Variants in UBR1 observed in about 807,000 individuals in gnomAD.
UBR1 encodes the protein ubiquitin protein ligase E3 component n-recognin 1, also known as E3 ubiquitin-protein ligase UBR1.
A neutral mutation model predicts 242.1 loss-of-function variants in UBR1; 102 were observed. The ratio of observed to expected loss-of-function variants is 0.42; its 90% confidence interval spans 0.36 to 0.50. The LOEUF (loss-of-function observed/expected upper bound fraction) is 0.50, where lower values mean the gene tolerates loss of function less well. UBR1 is among the 20% of genes least tolerant of loss of function. The pLI is 0.01. For synonymous variants in UBR1, 675 were observed against 684.8 expected, an observed-to-expected ratio of 0.99 and a Z score of 0.22; for missense variants, 1,772 against 2,101.8, an observed-to-expected ratio of 0.84 and a Z score of 3.07.
intron 41 of UBR1, among the ~76,000 whole-genome samples, chr15:42,964,358 A>C (rs532698594): frequency 6.6e-6 from 1 of 152,292 alleles, no homozygotes; most frequent in Admixed American, 6.5e-5. Context: ...AATCCCAGCT[A>C]CTAGGGAGGC....
At chr15:42,979,447 C>T (rs1382506153) in intron 37 of UBR1, among the ~76,000 whole-genome samples, 2 of 152,200 alleles carry the variant, frequency 1.3e-5, no homozygotes, top group Non-Finnish European at 2.9e-5. Flanking sequence ...CCAGTATTGG[C>T]TGTGACTACT....
intron 29 of UBR1, among the ~76,000 whole-genome samples, chr15:43,014,030 C>T (rs1208419956): frequency 1.3e-5 from 2 of 152,250 alleles, no homozygotes; most frequent in African/African-American, 2.4e-5. Flanking sequence ...TGCAGGTGCA[C>T]GCTGCCACGC....
intron 21 of UBR1, among the ~76,000 whole-genome samples, chr15:43,029,479 G>A (rs1303884297): frequency 6.6e-6 from 1 of 152,172 alleles, no homozygotes; most frequent in Non-Finnish European, 1.5e-5. Flanking sequence ...GACATGGGGA[G>A]GGACAGATGG....
chr15:42,950,317 A>G lies in UBR1; in HGVS notation c.5053T>C (p.Cys1685Arg), dbSNP rs1567105631. 6.2e-7 allele frequency: 1 copy of G among 1,614,198 alleles called. No individual in the cohort carries two copies. Among genetic ancestry groups the G allele is most frequent in the Non-Finnish European group, 8.5e-7 (1 of 1,180,034 alleles). Residue 1685 changes from cysteine (C) to arginine (R), a missense_variant, in exon 46 of 47, where the codon TGT (cysteine) becomes CGT (arginine). This residue lies in a region of UBR1 where 965 missense variants were observed against 1,079.7 expected (regional missense o/e 0.89). Coordinates refer to ENST00000290650, the MANE Select transcript of UBR1 (RefSeq NM_174916.3). ...TCCAAGTAAGGAGCTGGATAGGCAC[A>G]GCCTCTGGCTTTACCTTCAACCAGG... ...VVLVEGKARG[C>R]AYPAPYLDEY...
chr15:43,020,419 G>C (rs976008713), intron 27 of UBR1, among the ~76,000 whole-genome samples: 1 of 152,066 alleles, frequency 6.6e-6, no homozygotes, highest in Admixed American at 6.6e-5. Flanking sequence ...ATACACCTTC[G>C]ACATGCACCT....
chr15:42,954,011 T>C (rs1018769691), intron 44 of UBR1, among the ~76,000 whole-genome samples: 22 of 151,342 alleles, frequency 1.5e-4, no homozygotes, highest in Admixed American at 1.3e-3. Flanking sequence ...GCATCCCGAG[T>C]AGCTGAGACT....
chr15:43,058,456 G>A (rs2033644294), intron 9 of UBR1, 27 bp from the exon 10 acceptor site: 3 of 1,560,908 alleles, frequency 1.9e-6, no homozygotes, highest in Admixed American at 1.7e-5. Flanking sequence ...GGAGGGTGGG[G>A]GAATGAGGAG....
chr15:43,002,429 C>T, intron 32 of UBR1, 126 bp downstream of exon 32: 1 of 1,087,066 alleles, frequency 9.2e-7, no homozygotes, highest in Non-Finnish European at 1.4e-6. Context: ...CCATGTTACC[C>T]AGGCTGGTCT....
chr15:43,082,855 A>G lies in UBR1; in HGVS notation c.339-139T>C, dbSNP rs564248671. The G allele has an allele frequency of 2.4e-5, 17 of 704,532 alleles. No individual in the cohort carries two copies. In the Admixed American group the frequency reaches 3.2e-4, roughly 13 times the overall value. 43.6% of individuals were successfully genotyped at this position (704,532 alleles called of 1,614,324 possible). Reference sequence around the variant, plus strand: ...AAAATGCTTCAAAAACTGGATTGTTAAAATGTTTTGAACAAAGATAATATT... The same window carrying G: ...AAAATGCTTCAAAAACTGGATTGTTGAAATGTTTTGAACAAAGATAATATT... On this transcript the variant is annotated intron_variant, in intron 2 of 46. Transcript: ENST00000290650.
chr15:42,994,177 T>C (rs2032598428), intron 33 of UBR1, among the ~76,000 whole-genome samples: 1 of 152,180 alleles, frequency 6.6e-6, no homozygotes, highest in African/African-American at 2.4e-5. Flanking sequence ...ATAGTATAAG[T>C]ATCGTACATA....
chr15:43,039,944 T>C (rs1034504279), intron 15 of UBR1, among the ~76,000 whole-genome samples: 1 of 152,202 alleles, frequency 6.6e-6, no homozygotes, highest in Non-Finnish European at 1.5e-5. Flanking sequence ...AATCATGTGG[T>C]TTTTGTCTTT....
Position 42,998,497 on chromosome 15 carries a change from G to A in UBR1, c.3660-232C>T, listed in dbSNP as rs536846077. Among the ~76,000 whole-genome samples the A allele has an allele frequency of 2.3e-4, 35 of 152,302 alleles. No individual in the cohort carries two copies. The East Asian group carries it at 2.9e-3, about 13-fold the overall frequency. On this transcript the variant is annotated intron_variant, in intron 32 of 46. Transcript: ENST00000290650. ...CCCACATGCCAATCACCCACAGGTA[G>A]TAAATGTCAGTAAATAGAATCACCA... is the stretch of plus-strand genomic sequence containing the variant.
chr15:42,982,252 T>A (rs1483602908), intron 37 of UBR1, among the ~76,000 whole-genome samples: 1 of 152,184 alleles, frequency 6.6e-6, no homozygotes, highest in East Asian at 1.9e-4. Context: ...AATTAGTAAA[T>A]ATCTAAATTA....
chr15:42,969,016 C>T (rs2032158604), intron 40 of UBR1, among the ~76,000 whole-genome samples: 1 of 152,014 alleles, frequency 6.6e-6, no homozygotes, highest in African/African-American at 2.4e-5. Context: ...GATTTATAAT[C>T]CTTTGGGTAT....
chr15:43,057,592 A>T (rs1430533502), intron 10 of UBR1, among the ~76,000 whole-genome samples: 1 of 152,234 alleles, frequency 6.6e-6, no homozygotes, highest in African/African-American at 2.4e-5. Context: ...AAACATTAAA[A>T]AGCTGTAAAT....
intron 12 of UBR1, among the ~76,000 whole-genome samples, chr15:43,049,076 A>G (rs1467418078): frequency 6.6e-6 from 1 of 152,236 alleles, no homozygotes; most frequent in East Asian, 1.9e-4. Flanking sequence ...AACAATGTTT[A>G]TCATGAAATG....
At chr15:43,095,357 T>C (rs1002725829) in intron 1 of UBR1, among the ~76,000 whole-genome samples, 1 of 152,110 alleles carries the variant, frequency 6.6e-6, no homozygotes, top group African/African-American at 2.4e-5. Flanking sequence ...AGTAAACTAT[T>C]AGAAAGAGAA....
intron 45 of UBR1, chr15:42,950,618 T>C (rs2031819032): frequency 2.1e-6 from 1 of 474,058 alleles, no homozygotes; most frequent in Admixed American, 3.5e-5. Flanking sequence ...ACGGAATCTG[T>C]TGAAGGGAGG....
intron 12 of UBR1, among the ~76,000 whole-genome samples, chr15:43,050,732 A>T (rs1013111714): frequency 2.0e-5 from 3 of 151,852 alleles, no homozygotes; most frequent in Non-Finnish European, 4.4e-5. Context: ...TTAAAAAAAA[A>T]AAAAAAAAAG....
Sources: allele counts gnomAD v4.1 joint callset (sites outside exome capture counted in the v4.1 genomes callset), GRCh38; gene constraint gnomAD v4.1.1; regional missense constraint gnomAD v4.1.1; transcripts MANE v1.5; gene names NCBI Gene and HGNC (gene_info 2026-07-23, HGNC 2026-07-21).